The following UGT2B4 variants were observed in gnomAD, a reference collection of about 807,000 sequenced individuals.
UGT2B4 encodes UDP glucuronosyltransferase family 2 member B4, also known as UDP-glucuronosyltransferase 2B4.
A neutral mutation model predicts 49.8 loss-of-function variants in UGT2B4; 49 were observed. The observed-to-expected ratio is 0.98, with a 90% CI of 0.78 to 1.25. The LOEUF is 1.25. UGT2B4 is among the 50% of genes most tolerant of loss of function. UGT2B4 has a pLI of 0.00. For synonymous variants in UGT2B4, 246 were observed against 217.7 expected (o/e 1.13, Z -1.14); for missense variants, 729 against 627.7 (o/e 1.16, Z -1.73).
chr4:69,490,576 C>T (rs6833511), intron 2 of UGT2B4, among the ~76,000 whole-genome samples: 2,500 of 152,180 alleles, frequency 0.016, 67 homozygotes, highest in African/African-American at 0.057. Flanking sequence ...CCCCAATGTA[C>T]GCCAATTTTG....
Position 69,495,670 on chromosome 4 carries a change from G to A in UGT2B4, c.192C>T (p.Phe64=), listed in dbSNP as rs376830467. 33 of 1,613,870 alleles carry A rather than the reference G, an allele frequency of 2.0e-5. No individual in the cohort carries two copies. In the African/African-American group the frequency reaches 3.6e-4, roughly 18 times the overall value. The stretch of plus-strand genomic sequence containing the variant: ...TAAGAGTAGATGGGCTGTTGGGATC[G>A]AAAGAAATGGAAGCTGAAGATGCCA... ...TVLASSASIS[F]DPNSPSTLKF... The change falls in exon 1 of 6, where the codon TTC becomes TTT. Residue 64 remains phenylalanine (F), a synonymous_variant. Transcript: ENST00000305107.
chr4:69,525,872 C>A (rs1262021780), exon 1 of UGT2B4: 6 of 349,700 alleles, frequency 1.7e-5, no homozygotes, highest in South Asian at 6.8e-5. Context: ...GAGGCCAAGG[C>A]GGGTGGATCA....
At chr4:69,489,395 C>A in intron 3 of UGT2B4, 44 bp downstream of exon 3, 1 of 1,599,412 alleles carries the variant, frequency 6.3e-7, no homozygotes. Context: ...ACTTTAACAG[C>A]CTCTTTCAGT....
chr4:69,492,938 T>TA (rs1491524406), intron 2 of UGT2B4, among the ~76,000 whole-genome samples: 1 of 152,208 alleles, frequency 6.6e-6, no homozygotes. Context: ...AATCTTTTTT[T>TA]AAAAACTATA....
chr4:69,503,958 T>C (rs1454069395), intron 1 of UGT2B4, among the ~76,000 whole-genome samples: 1 of 152,090 alleles, frequency 6.6e-6, no homozygotes, highest in Non-Finnish European at 1.5e-5. Flanking sequence ...GGTCCAGGAG[T>C]TGGGAACAGA....
upstream of UGT2B4, among the ~76,000 whole-genome samples, chr4:69,500,671 A>G (rs1728297207): frequency 8.7e-6 from 1 of 115,256 alleles, no homozygotes; most frequent in African/African-American, 2.6e-5. Context: ...GAAAGAAAGG[A>G]AGGAAAGAAA....
At chr4:69,493,044 T>C (rs757053181) in intron 2 of UGT2B4, among the ~76,000 whole-genome samples, 2 of 152,194 alleles carry the variant, frequency 1.3e-5, no homozygotes, top group Non-Finnish European at 2.9e-5. Flanking sequence ...GGCTCTTATC[T>C]TGCCTATCAG....
At chr4:69,495,906 G>A (rs931505854), upstream of UGT2B4, 1 of 1,537,442 alleles carries the variant, frequency 6.5e-7, no homozygotes, top group Non-Finnish European at 8.7e-7. Flanking sequence ...GCTCCTTTCT[G>A]TCATTTCTCA....
At position 69,486,716 on chromosome 4, in the gene UGT2B4, A is replaced by G. The variant is rs1213962494; in HGVS notation, c.1003-20T>C. 7 of 1,556,566 alleles carry G rather than the reference A, an allele frequency of 4.5e-6. No individual in the cohort carries two copies. Among genetic ancestry groups the G allele is most frequent in the Non-Finnish European group, 6.1e-6 (7 of 1,141,346 alleles). On this transcript the variant is annotated intron_variant, in intron 3 of 5. Transcript: ENST00000305107. The stretch of plus-strand genomic sequence containing the variant: ...CAGAACCTGTTACAGTGAAGAAAAT[A>G]TCTTATTCCATGAGTGGAACTCAAA...
At chr4:69,501,582 T>G (rs1728320154) in intron 1 of UGT2B4, among the ~76,000 whole-genome samples, 1 of 151,994 alleles carries the variant, frequency 6.6e-6, no homozygotes, top group African/African-American at 2.4e-5. Context: ...GCAGACTGCT[T>G]TTTTAAGTGG....
chr4:69,496,382 C>A (rs935016949), upstream of UGT2B4, among the ~76,000 whole-genome samples: 2 of 152,114 alleles, frequency 1.3e-5, no homozygotes, highest in African/African-American at 4.8e-5. Flanking sequence ...GGACTCATCA[C>A]CTGACTCATG....
At chr4:69,510,982 C>CTTTTTTTTT (rs1259714505) in intron 1 of UGT2B4, among the ~76,000 whole-genome samples, 19 of 110,950 alleles carry the variant, frequency 1.7e-4, no homozygotes, top group Non-Finnish European at 2.5e-4. Context: ...TCTTTCTTTT[C>CTTTTTTTTT]TTTTCTTCTT....
At chr4:69,520,897 C>G (rs1249713727) in intron 1 of UGT2B4, among the ~76,000 whole-genome samples, 2 of 152,138 alleles carry the variant, frequency 1.3e-5, no homozygotes, top group South Asian at 2.1e-4. Flanking sequence ...CACCCTAAAG[C>G]CTAGGGGCTG....
chr4:69,504,386 CA>C (rs926743536), intron 1 of UGT2B4, among the ~76,000 whole-genome samples: 4 of 152,060 alleles, frequency 2.6e-5, no homozygotes, highest in Admixed American at 1.3e-4. Flanking sequence ...ACAAAGTAAC[CA>C]GTATAAAGAA....
intron 3 of UGT2B4, 58 bp from the exon 4 acceptor site, chr4:69,486,754 T>C: frequency 2.3e-6 from 3 of 1,317,532 alleles, no homozygotes; most frequent in Non-Finnish European, 3.2e-6. Context: ...TCATAGAATG[T>C]TAGAAATCTA....
intron 2 of UGT2B4, among the ~76,000 whole-genome samples, chr4:69,493,281 A>G (rs1728046993): frequency 6.6e-6 from 1 of 152,016 alleles, no homozygotes; most frequent in Non-Finnish European, 1.5e-5. Context: ...TTTTCTCTGG[A>G]GATAACAGTT....
upstream of UGT2B4, among the ~76,000 whole-genome samples, chr4:69,498,284 G>A (rs1728216503): frequency 6.6e-6 from 1 of 152,090 alleles, no homozygotes; most frequent in Non-Finnish European, 1.5e-5. Flanking sequence ...CTTAATATGA[G>A]GTATACTCTT....
chr4:69,514,632 C>A (rs1728685813), intron 1 of UGT2B4, among the ~76,000 whole-genome samples: 1 of 152,022 alleles, frequency 6.6e-6, no homozygotes, highest in South Asian at 2.1e-4. Flanking sequence ...GAGATAGGTT[C>A]CCTCAATATC....
rs185598836 is a variant in UGT2B4 at position 69,516,032 on chromosome 4, C to G, written c.-106+9655G>C. ...CCTTCAGGTCCCAGTGTGTGTTGTTCCTTGTCATATGTCTGTGTCTTCTCA... is the reference window on the plus strand; with the variant it reads ...CCTTCAGGTCCCAGTGTGTGTTGTTGCTTGTCATATGTCTGTGTCTTCTCA... On this transcript the variant is annotated intron_variant, in intron 1 of 1. Coordinates refer to the UGT2B4 transcript ENST00000510114. 6.6e-5 allele frequency among the ~76,000 whole-genome samples: 10 copies of G among 152,216 alleles called. No individual in the cohort carries two copies. In the East Asian group the frequency reaches 1.7e-3, roughly 27 times the overall value.
Sources: gnomAD v4.1 joint callset for allele counts (sites outside exome capture counted in the v4.1 genomes callset) on GRCh38, gnomAD v4.1.1 for gene constraint, MANE v1.5 for transcripts, NCBI Gene and HGNC (gene_info 2026-07-23, HGNC 2026-07-21) for gene names.